KIAA1671: variants seen among roughly 807,000 people sequenced by gnomAD.
KIAA1671 encodes KIAA1671.
A neutral mutation model predicts 131.2 loss-of-function variants in KIAA1671; 52 were observed. The ratio of observed to expected loss-of-function variants is 0.40; its 90% CI spans 0.32 to 0.50. KIAA1671 has a LOEUF of 0.50. Ranked by LOEUF, KIAA1671 falls within the 20% of genes least tolerant of loss-of-function variation. KIAA1671 has a pLI of 0.73. For missense variants in KIAA1671, 2,360 were observed against 2,364.2 expected (o/e 1.00, Z 0.04); for synonymous variants, 1,003 against 961.6 (o/e 1.04, Z -0.80).
intron 4 of KIAA1671, among the ~76,000 whole-genome samples, chr22:25,037,262 G>T (rs1926656262): frequency 6.6e-6 from 1 of 152,178 alleles, no homozygotes; most frequent in Admixed American, 6.5e-5. Context: ...GGCGGAGGTT[G>T]CAGTGAGCCG....
In KIAA1671 at chr22:25,174,290, C is replaced by A; in HGVS notation, c.4700C>A (p.Pro1567His). Residue 1567 changes from proline to histidine, a missense_variant, in exon 8 of 13, where the codon CCC becomes CAC. Pro to His is a moderately conservative substitution (Grantham distance 77, BLOSUM62 -2). Around this residue, in one of 3 missense-constraint regions of KIAA1671, gnomAD observed 1,161 missense variants for 1,204.7 expected, o/e 0.96. Transcript: ENST00000358431. The stretch of plus-strand genomic sequence containing the variant: ...AGTGCCACATCGACAAGGAAACAGC[C>A]CCCCAGCAGCCGTTTGTCTTCTCTG... ...DSSATSTRKQ[P>H]PSSRLSSLSS... 1 of 1,551,718 alleles carries A rather than the reference C, an allele frequency of 6.4e-7. No individual in the cohort carries two copies.
chr22:24,974,737 G>A (rs1245640133), intron 1 of KIAA1671, among the ~76,000 whole-genome samples: 1 of 133,606 alleles, frequency 7.5e-6, no homozygotes, highest in Non-Finnish European at 1.5e-5. Flanking sequence ...CTGTTGCCCA[G>A]GCTGGAGTGT....
intron 1 of KIAA1671, among the ~76,000 whole-genome samples, chr22:24,995,656 C>T (rs747951422): frequency 6.6e-6 from 1 of 152,134 alleles, no homozygotes; most frequent in Non-Finnish European, 1.5e-5. Context: ...ACCATGCCCA[C>T]CCCCAGTCTC....
intron 9 of KIAA1671, 121 bp from the exon 10 acceptor site, chr22:25,181,578 G>C: frequency 8.2e-7 from 1 of 1,212,530 alleles, no homozygotes; most frequent in East Asian, 2.7e-5. Flanking sequence ...ATGGGCCATA[G>C]CGTCTTCTGT....
intron 6 of KIAA1671, chr22:25,053,639 C>T (rs1016795737): frequency 3.3e-5 from 5 of 152,120 alleles, no homozygotes; most frequent in African/African-American, 4.8e-5. Flanking sequence ...AGATTTTCTC[C>T]GTCAGCCTCC....
intron 10 of KIAA1671, among the ~76,000 whole-genome samples, chr22:25,184,106 C>T (rs1160730186): frequency 6.6e-6 from 1 of 152,246 alleles, no homozygotes; most frequent in African/African-American, 2.4e-5. Flanking sequence ...TCTACCACAG[C>T]AGTGCTAGGC....
chr22:25,097,368 C>T (rs1011013087), intron 6 of KIAA1671, among the ~76,000 whole-genome samples: 3 of 152,144 alleles, frequency 2.0e-5, no homozygotes, highest in African/African-American at 7.2e-5. Context: ...CGTGTATTAC[C>T]TCGCACAGTT....
intron 6 of KIAA1671, among the ~76,000 whole-genome samples, chr22:25,169,259 A>T (rs902995932): frequency 3.3e-5 from 5 of 151,878 alleles, no homozygotes; most frequent in Non-Finnish European, 5.9e-5. Context: ...TCTACAAAAA[A>T]ATTTTTTTAA....
chr22:25,152,957 C>T (rs1933099389), intron 6 of KIAA1671, among the ~76,000 whole-genome samples: 2 of 151,954 alleles, frequency 1.3e-5, no homozygotes, highest in Non-Finnish European at 2.9e-5. Flanking sequence ...TGGTAAGGCT[C>T]TTCCTATGTG....
At chr22:25,107,492 T>TTTG (rs1931076385) in intron 6 of KIAA1671, among the ~76,000 whole-genome samples, 1 of 143,104 alleles carries the variant, frequency 7.0e-6, no homozygotes, top group Non-Finnish European at 1.5e-5. Context: ...TTTTTTTTTT[T>TTTG]GAGACAGGTT....
At chr22:24,965,740 C>CAAAA (rs767916092) in intron 1 of KIAA1671, among the ~76,000 whole-genome samples, 7 of 45,856 alleles carry the variant, frequency 1.5e-4, no homozygotes, top group African/African-American at 2.4e-4. Flanking sequence ...AACTCCATCT[C>CAAAA]AAAAAAAAAA....
chr22:25,123,905 C>A (rs1191184988), intron 6 of KIAA1671, among the ~76,000 whole-genome samples: 1 of 152,054 alleles, frequency 6.6e-6, no homozygotes, highest in East Asian at 1.9e-4. Flanking sequence ...TTCTCACTTA[C>A]GCTTGTGGAA....
chr22:25,190,286 A>G (rs905482039), intron 11 of KIAA1671, among the ~76,000 whole-genome samples: 2 of 152,084 alleles, frequency 1.3e-5, no homozygotes, highest in East Asian at 1.9e-4. Flanking sequence ...CACAGTTCAC[A>G]ATAGGGTTCA....
chr22:25,177,429 C>G lies in KIAA1671; in HGVS notation c.4981C>G (p.His1661Asp), dbSNP rs1437152502. Residue 1661 changes from histidine (H) to aspartate (D), a missense_variant, in exon 9 of 13, where the codon CAC (histidine) becomes GAC (aspartate). By Grantham distance (81) the His-to-Asp change is moderately conservative. Around this residue, in one of 3 missense-constraint regions of KIAA1671, gnomAD observed 1,161 missense variants for 1,204.7 expected, o/e 0.96. Transcript: ENST00000358431. ...KRSRRRAPISHSLRRSRFSES... is the reference protein window; with the variant it reads ...KRSRRRAPISDSLRRSRFSES... ...AAGCCGCCGCCGGGCCCCCATCTCC[C>G]ACTCCCTCCGGCGCAGCCGATTTAG... 6 of 1,551,656 alleles carry G rather than the reference C, an allele frequency of 3.9e-6. No homozygotes were observed. The Admixed American group carries it at 5.9e-5, about 15-fold the overall frequency.
chr22:25,021,466 C>CTT (rs75152681), intron 1 of KIAA1671, among the ~76,000 whole-genome samples: 22 of 133,626 alleles, frequency 1.6e-4, no homozygotes, highest in African/African-American at 5.4e-4. Context: ...TTGTCCTTAC[C>CTT]TTTTTTTTTT....
chr22:25,079,515 G>C (rs767290360), intron 6 of KIAA1671, among the ~76,000 whole-genome samples: 1 of 152,198 alleles, frequency 6.6e-6, no homozygotes. Context: ...TGGAGGGCTT[G>C]GGTGTGTGGG....
intron 6 of KIAA1671, among the ~76,000 whole-genome samples, chr22:25,114,192 C>G (rs1931539487): frequency 6.6e-6 from 1 of 152,190 alleles, no homozygotes; most frequent in Non-Finnish European, 1.5e-5. Context: ...AGGCTCCTTC[C>G]CATGTAGCCA....
chr22:24,981,060 T>TTG (rs1555949682), intron 1 of KIAA1671, among the ~76,000 whole-genome samples: 1 of 119,902 alleles, frequency 8.3e-6, no homozygotes, highest in Non-Finnish European at 1.7e-5. Flanking sequence ...ACTTGTTATT[T>TTG]TCTGTGTGTG....
intron 1 of KIAA1671, among the ~76,000 whole-genome samples, chr22:24,973,399 T>TG (rs1234315863): frequency 7.4e-6 from 1 of 135,882 alleles, no homozygotes; most frequent in Non-Finnish European, 1.6e-5. Flanking sequence ...GTTTTTTTTT[T>TG]TTTTTTTTTT....
Sources: allele counts gnomAD v4.1 joint callset (sites outside exome capture counted in the v4.1 genomes callset), GRCh38; gene constraint gnomAD v4.1.1; regional missense constraint gnomAD v4.1.1; transcripts MANE v1.5; gene names NCBI Gene and HGNC (gene_info 2026-07-23, HGNC 2026-07-21).